The following DIAPH1 variants were observed in gnomAD, a reference collection of about 807,000 sequenced individuals.
The protein encoded by DIAPH1 is diaphanous related formin 1.
In DIAPH1, 46 loss-of-function variants were observed where a neutral mutation model predicts 140.7. The ratio of observed to expected loss-of-function variants is 0.33; its 90% CI spans 0.26 to 0.42. The LOEUF (loss-of-function observed/expected upper bound fraction) is 0.42, where lower values mean the gene tolerates loss of function less well. Among genes scored for constraint, DIAPH1 ranks in the 10% least tolerant of loss-of-function variants. The pLI is 1.00. For synonymous variants in DIAPH1, 565 were observed against 551.6 expected, an observed-to-expected ratio of 1.02 and a Z score of -0.34; for missense variants, 1,310 against 1,558.7, an observed-to-expected ratio of 0.84 and a Z score of 2.69.
At chr5:141,522,549 T>G (rs251018) in intron 27 of DIAPH1, among the ~76,000 whole-genome samples, 81,654 of 147,282 alleles carry the variant, frequency 0.55, 24,983 homozygotes, top group African/African-American at 0.83. Context: ...CCCACCAAAA[T>G]TCTGATGCAG....
intron 18 of DIAPH1, among the ~76,000 whole-genome samples, chr5:141,570,166 A>T (rs893833591): frequency 2.0e-5 from 3 of 151,678 alleles, no homozygotes; most frequent in African/African-American, 7.3e-5. Context: ...GGGTGGGGGG[A>T]GAAAAGGGGC....
intron 18 of DIAPH1, chr5:141,564,983 C>T (rs1323384631): frequency 1.3e-5 from 2 of 152,054 alleles, no homozygotes; most frequent in African/African-American, 4.8e-5. Context: ...CAATCTTATA[C>T]CTAGCAACTT....
chr5:141,572,980 G>A (rs1463033625), intron 16 of DIAPH1, among the ~76,000 whole-genome samples: 1 of 152,124 alleles, frequency 6.6e-6, no homozygotes, highest in African/African-American at 2.4e-5. Flanking sequence ...AGAATACAGG[G>A]TTCACAGAAC....
rs768458531 is a variant in DIAPH1, at chr5:141,573,923, G to C, written c.1927C>G (p.Pro643Ala). 17 of 1,552,492 alleles carry C rather than the reference G, an allele frequency of 1.1e-5. No individual in the cohort carries two copies. The highest frequency in any genetic ancestry group is 2.4e-5 in the South Asian group (2 of 83,942). Reference protein sequence around the residue: ...LPGGTAISPPPPLSGDATIPP... With the variant: ...LPGGTAISPPAPLSGDATIPP... ...ATGGTAGCATCCCCAGACAAAGGAG[G>C]GGGTGGAGAGATAGCAGTACCTCCA... Residue 643 changes from proline (P) to alanine (A), a missense_variant, in exon 16 of 28, where the codon CCT becomes GCT. Pro to Ala is a conservative substitution (Grantham distance 27). Coordinates refer to ENST00000389054, the MANE Select transcript of DIAPH1 (RefSeq NM_005219.5).
In DIAPH1 at chr5:141,587,078, T is replaced by G; in HGVS notation, c.264A>C (p.Ser88=). 6.2e-7 allele frequency: 1 copy of G among 1,614,192 alleles called. No homozygotes were observed. Among genetic ancestry groups the G allele is most frequent in the African/African-American group, 1.3e-5 (1 of 75,072 alleles). Residue 88 remains serine, a synonymous_variant, in exon 3 of 28, where the codon TCA becomes TCC. Transcript: ENST00000389054. ...DPTAQSLQDV[S]DEQVLVLFEQ... ...CAAAGAGAACCAGCACTTGTTCATC[T>G]GAAACATCTTGCAATGACTGTGCTG...
At chr5:141,579,220 G>C in intron 8 of DIAPH1, 24 bp from the exon 9 acceptor site, 1 of 1,589,772 alleles carries the variant, frequency 6.3e-7, no homozygotes, top group South Asian at 1.1e-5. Context: ...AGGAAACGGA[G>C]AGAACTTTCC....
At chr5:141,579,058 C>T in intron 9 of DIAPH1, 30 bp downstream of exon 9, 1 of 1,526,366 alleles carries the variant, frequency 6.6e-7, no homozygotes, top group Non-Finnish European at 9.1e-7. Context: ...GAATTCTATT[C>T]TTGGGCCCAG....
chr5:141,571,697 T>C, intron 17 of DIAPH1: 1 of 675,968 alleles, frequency 1.5e-6, no homozygotes, highest in Admixed American at 2.2e-5. Flanking sequence ...TAACAAGTTA[T>C]ACTGATACAA....
At chr5:141,587,233 T>C (rs1285998139) in intron 2 of DIAPH1, 36 bp from the exon 3 acceptor site, 14 of 1,609,142 alleles carry the variant, frequency 8.7e-6, no homozygotes, top group Non-Finnish European at 1.2e-5. Flanking sequence ...AGTGATCCAT[T>C]TTCACTTACA....
intron 13 of DIAPH1, 74 bp downstream of exon 13, chr5:141,576,681 AT>A (rs2099896009): frequency 1.9e-6 from 2 of 1,073,680 alleles, no homozygotes; most frequent in East Asian, 4.7e-5. Flanking sequence ...CTTCTCTGAC[AT>A]TTTCACTGAA....
At chr5:141,540,276 A>G (rs1209422842) in intron 18 of DIAPH1, among the ~76,000 whole-genome samples, 4 of 147,982 alleles carry the variant, frequency 2.7e-5, no homozygotes, top group Non-Finnish European at 5.9e-5. Flanking sequence ...ACATGACACC[A>G]TGCCTGGCTA....
rs142490955 is a variant in DIAPH1 at position 141,605,072 on chromosome 5, G to T, written c.117+13726C>A. ...AAGAAACTTCCATATATCATGTACT[G>T]TTCTCTTTGGTTCTAACCATTAAAA... On this transcript the variant is annotated intron_variant, in intron 1 of 27. Coordinates refer to ENST00000389054, the MANE Select transcript of DIAPH1 (RefSeq NM_005219.5). Among the ~76,000 whole-genome samples the T allele has an allele frequency of 8.6e-3, 1,305 of 152,022 alleles. 8 individuals are homozygous for T. The highest frequency in any genetic ancestry group is 0.051 in the Middle Eastern group (15 of 292).
intron 18 of DIAPH1, among the ~76,000 whole-genome samples, chr5:141,556,815 C>T (rs558242339): frequency 2.0e-4 from 30 of 152,290 alleles, no homozygotes; most frequent in Non-Finnish European, 2.4e-4. Context: ...CCTCAGCCTC[C>T]CGAGTAGCTG....
intron 19 of DIAPH1, among the ~76,000 whole-genome samples, chr5:141,531,581 G>A (rs1186007970): frequency 6.6e-6 from 1 of 152,028 alleles, no homozygotes. Flanking sequence ...TCCGCTTCCC[G>A]GGTTCAAGCG....
chr5:141,524,074 G>T, intron 27 of DIAPH1, 69 bp downstream of exon 27: 2 of 1,332,238 alleles, frequency 1.5e-6, no homozygotes, highest in Non-Finnish European at 2.2e-6. Flanking sequence ...CTCTTTAGCC[G>T]CAGACTGGCA....
chr5:141,528,959 C>G lies in DIAPH1; in HGVS notation c.2779-18G>C, dbSNP rs2154595010. Reference sequence around the variant, plus strand: ...GTGCCCATCTAGTAAAGAACACAAGCAGTTCCATTACAGTCAAAAGAGGGG... The same window carrying G: ...GTGCCCATCTAGTAAAGAACACAAGGAGTTCCATTACAGTCAAAAGAGGGG... On this transcript the variant is annotated intron_variant, in intron 21 of 27. Transcript: ENST00000389054. 6.2e-7 allele frequency: 1 copy of G among 1,613,610 alleles called. No homozygotes were observed. Among genetic ancestry groups the G allele is most frequent in the Non-Finnish European group, 8.5e-7 (1 of 1,180,038 alleles).
At position 141,516,987 on chromosome 5, in the gene DIAPH1, G is replaced by A; in HGVS notation, c.3683C>T (p.Ala1228Val). Reference sequence around the variant, plus strand: ...CTCCGAAGCTAGCAGAGATGTGACTGCACACCCGGCCTTCCTGTTGGCTGC... The same window carrying A: ...CTCCGAAGCTAGCAGAGATGTGACTACACACCCGGCCTTCCTGTTGGCTGC... ...PRQANRKAGC[A>V]VTSLLASELT... Residue 1228 changes from alanine to valine, a missense_variant, in exon 28 of 28, where the codon GCA becomes GTA. Ala to Val is a moderately conservative substitution (Grantham distance 64). This residue lies in a region of DIAPH1 where 344 missense variants were observed against 512.2 expected (regional missense o/e 0.67). Coordinates refer to ENST00000389054, the MANE Select transcript of DIAPH1 (RefSeq NM_005219.5). 6.2e-7 allele frequency: 1 copy of A among 1,614,210 alleles called. No individual in the cohort carries two copies. Among genetic ancestry groups the A allele is most frequent in the Non-Finnish European group, 8.5e-7 (1 of 1,180,018 alleles).
intron 18 of DIAPH1, among the ~76,000 whole-genome samples, chr5:141,558,990 T>C (rs757103940): frequency 6.6e-6 from 1 of 151,964 alleles, no homozygotes; most frequent in Admixed American, 6.5e-5. Flanking sequence ...GGAAGAATCT[T>C]AGATCTCTCA....
chr5:141,582,449 G>C, intron 6 of DIAPH1, 74 bp from the exon 7 acceptor site: 1 of 1,158,222 alleles, frequency 8.6e-7, no homozygotes, highest in Non-Finnish European at 1.3e-6. Context: ...TTGCAAACAA[G>C]GTTCTTAGGA....
Sources: gnomAD v4.1 joint callset for allele counts (sites outside exome capture counted in the v4.1 genomes callset) on GRCh38, gnomAD v4.1.1 for gene constraint, gnomAD v4.1.1 regional missense constraint, MANE v1.5 for transcripts, NCBI Gene and HGNC (gene_info 2026-07-23, HGNC 2026-07-21) for gene names.